The following SOX5 variants were observed in gnomAD, a reference collection of about 807,000 sequenced individuals.
The protein encoded by SOX5 is transcription factor SOX-5.
Under a neutral mutation model 92.0 loss-of-function variants are expected in SOX5, and 9 were observed. That is an observed-to-expected ratio of 0.10 (90% CI 0.06 to 0.17). The LOEUF (loss-of-function observed/expected upper bound fraction) is 0.17, where lower values mean the gene tolerates loss of function less well. Ranked by LOEUF, SOX5 falls within the 10% of genes least tolerant of loss-of-function variation. The pLI is 1.00. For missense variants in SOX5, 642 were observed against 944.5 expected (o/e 0.68, Z 4.20); for synonymous variants, 344 against 336.3 (o/e 1.02, Z -0.25).
At chr12:24,166,407 G>T (rs77992685) in intron 4 of SOX5, among the ~76,000 whole-genome samples, 5,961 of 152,254 alleles carry the variant, frequency 0.039, 141 homozygotes, top group Middle Eastern at 0.058. Context: ...TGTGTCATTA[G>T]CATATACGTT....
intron 3 of SOX5, among the ~76,000 whole-genome samples, chr12:24,226,180 G>A (rs1301721589): frequency 6.6e-6 from 1 of 151,500 alleles, no homozygotes; most frequent in African/African-American, 2.4e-5. Context: ...TATTCTCATG[G>A]TTCAAAAAAA....
At chr12:23,872,397 T>G (rs2096884806) in intron 2 of SOX5, among the ~76,000 whole-genome samples, 1 of 151,934 alleles carries the variant, frequency 6.6e-6, no homozygotes, top group South Asian at 2.1e-4. Flanking sequence ...CTACGAGCTT[T>G]CACCATCAAT....
intron 1 of SOX5, among the ~76,000 whole-genome samples, chr12:24,435,114 T>C (rs1175909501): frequency 1.3e-5 from 2 of 152,178 alleles, no homozygotes. Flanking sequence ...GAGCCCAAAG[T>C]GGGCCAGTTA....
At chr12:23,882,093 T>C (rs1242088915) in intron 2 of SOX5, among the ~76,000 whole-genome samples, 2 of 152,190 alleles carry the variant, frequency 1.3e-5, no homozygotes, top group Admixed American at 6.5e-5. Context: ...ACATCCTCAG[T>C]AGGTGTGTCA....
intron 4 of SOX5, among the ~76,000 whole-genome samples, chr12:24,024,498 T>C (rs1954657238): frequency 6.6e-6 from 1 of 152,024 alleles, no homozygotes; most frequent in South Asian, 2.1e-4. Flanking sequence ...CTATAAAAAG[T>C]AAGTAGTATA....
At chr12:24,127,943 G>A (rs572666723) in intron 4 of SOX5, among the ~76,000 whole-genome samples, 45 of 152,204 alleles carry the variant, frequency 3.0e-4, no homozygotes, top group African/African-American at 8.9e-4. Flanking sequence ...AGATCGGATC[G>A]GGCAGATACC....
intron 2 of SOX5, among the ~76,000 whole-genome samples, chr12:24,338,151 A>G (rs1952123591): frequency 6.6e-6 from 1 of 152,168 alleles, no homozygotes; most frequent in Non-Finnish European, 1.5e-5. Context: ...TCATTGACTA[A>G]TTTCCAATAA....
chr12:23,807,899 C>T (rs2095809660), intron 3 of SOX5, among the ~76,000 whole-genome samples: 1 of 152,002 alleles, frequency 6.6e-6, no homozygotes, highest in Non-Finnish European at 1.5e-5. Context: ...CTGCCCGCCT[C>T]GGCCTCACAA....
intron 6 of SOX5, among the ~76,000 whole-genome samples, chr12:23,730,023 G>C (rs957619059): frequency 2.0e-5 from 3 of 152,164 alleles, no homozygotes; most frequent in African/African-American, 7.2e-5. Flanking sequence ...AATGAAAGCT[G>C]AGTAGAAGTC....
chr12:23,752,821 T>C (rs1173078988), intron 4 of SOX5, among the ~76,000 whole-genome samples: 3 of 151,876 alleles, frequency 2.0e-5, no homozygotes, highest in African/African-American at 7.2e-5. Flanking sequence ...TTATAGCATA[T>C]ATTGACTGTT....
chr12:24,084,921 T>C (rs1225828927), intron 4 of SOX5, among the ~76,000 whole-genome samples: 1 of 152,134 alleles, frequency 6.6e-6, no homozygotes, highest in Non-Finnish European at 1.5e-5. Flanking sequence ...ACAGAAACCT[T>C]TAAGTGATTA....
intron 4 of SOX5, among the ~76,000 whole-genome samples, chr12:24,141,398 T>C (rs1332069148): frequency 6.6e-6 from 1 of 152,154 alleles, no homozygotes; most frequent in Admixed American, 6.5e-5. Flanking sequence ...TGACAGGAAG[T>C]TAGAAGGTTT....
chr12:24,293,781 A>C (rs1224129594), intron 2 of SOX5, among the ~76,000 whole-genome samples: 1 of 152,202 alleles, frequency 6.6e-6, no homozygotes, highest in Non-Finnish European at 1.5e-5. Flanking sequence ...GCATACTGAT[A>C]CCAGTTTCTG....
At chr12:23,585,706 AG>A (rs2136997125) in intron 9 of SOX5, among the ~76,000 whole-genome samples, 1 of 152,250 alleles carries the variant, frequency 6.6e-6, no homozygotes, top group East Asian at 1.9e-4. Context: ...AATAAAAAGC[AG>A]CCCCTAAAAC....
At chr12:24,192,250 T>G (rs541149575) in intron 4 of SOX5, among the ~76,000 whole-genome samples, 1 of 152,332 alleles carries the variant, frequency 6.6e-6, no homozygotes, top group Admixed American at 6.5e-5. Context: ...CTACTGCCAC[T>G]AGCAGGGTAG....
At chr12:24,541,014 T>C (rs1952075076) in intron 1 of SOX5, among the ~76,000 whole-genome samples, 1 of 152,196 alleles carries the variant, frequency 6.6e-6, no homozygotes, top group African/African-American at 2.4e-5. Flanking sequence ...TGCAATTTTT[T>C]AAAACCCTAT....
chr12:23,536,916 C>T (rs1365702387), intron 13 of SOX5, among the ~76,000 whole-genome samples: 2 of 151,554 alleles, frequency 1.3e-5, no homozygotes, highest in African/African-American at 4.9e-5. Flanking sequence ...TGTATTATGT[C>T]CCTTAAAGCT....
At chr12:24,450,470 T>TTTTTTTTA (rs1942114393) in intron 1 of SOX5, among the ~76,000 whole-genome samples, 1 of 145,786 alleles carries the variant, frequency 6.9e-6, no homozygotes, top group Non-Finnish European at 1.5e-5. Context: ...TGTGTATTTA[T>TTTTTTTTA]TTTATTTATT....
chr12:24,004,567 T>A (rs1056546434), intron 4 of SOX5, among the ~76,000 whole-genome samples: 2 of 151,988 alleles, frequency 1.3e-5, no homozygotes, highest in African/African-American at 4.8e-5. Flanking sequence ...CATGATGAGA[T>A]ATCACTACAC....
Sources: allele counts gnomAD v4.1 joint callset (sites outside exome capture counted in the v4.1 genomes callset), GRCh38; gene constraint gnomAD v4.1.1; transcripts MANE v1.5; gene names NCBI Gene and HGNC (gene_info 2026-07-23, HGNC 2026-07-21).